Variants in FNIP1 observed in about 807,000 individuals in gnomAD.
FNIP1 encodes the protein folliculin-interacting protein 1.
In FNIP1, 40 loss-of-function variants were observed where a neutral mutation model predicts 124.5. That is an observed-to-expected ratio of 0.32 (90% CI 0.25 to 0.42). The LOEUF (loss-of-function observed/expected upper bound fraction) is 0.42, where lower values mean the gene tolerates loss of function less well. Ranked by LOEUF, FNIP1 falls within the 10% of genes least tolerant of loss-of-function variation. FNIP1 has a pLI of 1.00. For missense variants in FNIP1, 1,176 were observed against 1,403.7 expected (o/e 0.84, Z 2.59); for synonymous variants, 472 against 470.6 (o/e 1.00, Z -0.04).
At chr5:131,779,878 T>C (rs1771940083) in intron 1 of FNIP1, among the ~76,000 whole-genome samples, 1 of 151,902 alleles carries the variant, frequency 6.6e-6, no homozygotes, top group Non-Finnish European at 1.5e-5. Context: ...AGCATGCTCT[T>C]TACATTTTTG....
chr5:131,720,802 A>G (rs1019355278), intron 3 of FNIP1, among the ~76,000 whole-genome samples: 2 of 152,222 alleles, frequency 1.3e-5, no homozygotes, highest in Admixed American at 1.3e-4. Flanking sequence ...AAAACCTGTC[A>G]GGTTGGCTAT....
At chr5:131,771,074 G>A (rs1041363634) in intron 1 of FNIP1, among the ~76,000 whole-genome samples, 5 of 152,014 alleles carry the variant, frequency 3.3e-5, no homozygotes, top group East Asian at 1.9e-4. Context: ...ATCTCCCAAC[G>A]CTATCCCTCC....
chr5:131,693,317 CACATATATATATATACATATATAT>C (rs1447753125), intron 11 of FNIP1, among the ~76,000 whole-genome samples: 67 of 41,592 alleles, frequency 1.6e-3, no homozygotes, highest in African/African-American at 5.8e-3. Context: ...TATATATATA[CACATATATATATATACATATATAT>C]ATATATATAT....
intron 1 of FNIP1, among the ~76,000 whole-genome samples, chr5:131,778,912 C>A (rs1394126635): frequency 3.4e-5 from 4 of 117,746 alleles, no homozygotes; most frequent in Non-Finnish European, 1.7e-5. Flanking sequence ...AACCAAACAC[C>A]GCATATTCTC....
intron 1 of FNIP1, among the ~76,000 whole-genome samples, chr5:131,779,775 ATAGTAT>A (rs1202813156): frequency 6.6e-6 from 1 of 151,988 alleles, no homozygotes; most frequent in African/African-American, 2.4e-5. Context: ...AAAAACAGTA[ATAGTAT>A]TAATATTTAA....
intron 1 of FNIP1, among the ~76,000 whole-genome samples, chr5:131,763,597 G>A (rs946250743): frequency 3.3e-5 from 5 of 151,854 alleles, no homozygotes; most frequent in African/African-American, 1.2e-4. Context: ...GTGCTACACA[G>A]TTTTAGGTCT....
chr5:131,770,376 A>G (rs923324377), intron 1 of FNIP1, among the ~76,000 whole-genome samples: 2 of 152,254 alleles, frequency 1.3e-5, no homozygotes, highest in Non-Finnish European at 2.9e-5. Flanking sequence ...GAGACATTTT[A>G]GAATGCTTTA....
intron 1 of FNIP1, among the ~76,000 whole-genome samples, chr5:131,775,846 G>C (rs1160190586): frequency 6.6e-6 from 1 of 152,050 alleles, no homozygotes; most frequent in Non-Finnish European, 1.5e-5. Context: ...TTGTTTTGAG[G>C]ATTAAATGAA....
rs541475740 is a variant in FNIP1 at position 131,742,835 on chromosome 5, C to T, written c.219+1729G>A. Among the ~76,000 whole-genome samples, 8 of 152,066 alleles carry T rather than the reference C, an allele frequency of 5.3e-5. No homozygotes were observed. The East Asian group carries it at 1.5e-3, about 29-fold the overall frequency. On this transcript the variant is annotated intron_variant, in intron 2 of 17. Coordinates refer to ENST00000510461, the MANE Select transcript of FNIP1 (RefSeq NM_133372.3). ...CAAACAATGAGTATTTCAATATGTA[C>T]AGTAGTGTTCAAAAGGAAGACATAA...
chr5:131,677,573 A>G, intron 13 of FNIP1, 130 bp downstream of exon 13: 1 of 827,206 alleles, frequency 1.2e-6, no homozygotes, highest in Non-Finnish European at 1.8e-6. Flanking sequence ...ATGAAAGGAC[A>G]AGCAAAGCAG....
intron 1 of FNIP1, among the ~76,000 whole-genome samples, chr5:131,756,401 CTTTT>C (rs1298089224): frequency 6.6e-6 from 1 of 151,752 alleles, no homozygotes; most frequent in Non-Finnish European, 1.5e-5. Context: ...TACAAGAGCC[CTTTT>C]TTTAAAAAAA....
intron 1 of FNIP1, among the ~76,000 whole-genome samples, chr5:131,770,851 T>C (rs1771607050): frequency 1.3e-5 from 2 of 152,202 alleles, no homozygotes; most frequent in African/African-American, 4.8e-5. Context: ...ACCATCAGTG[T>C]AGAGGCAAAC....
At chr5:131,758,908 T>C (rs1771135985) in intron 1 of FNIP1, among the ~76,000 whole-genome samples, 1 of 151,814 alleles carries the variant, frequency 6.6e-6, no homozygotes, top group Non-Finnish European at 1.5e-5. Context: ...ACTTAGATAT[T>C]AAGTGGGATG....
chr5:131,722,766 AC>A (rs1270101717), intron 3 of FNIP1, among the ~76,000 whole-genome samples: 1 of 152,106 alleles, frequency 6.6e-6, no homozygotes, highest in Non-Finnish European at 1.5e-5. Flanking sequence ...GCTCACTGCA[AC>A]CTCCGCCTCC....
rs1004935529 is a variant in FNIP1, at chr5:131,742,216, C to T, written c.219+2348G>A. Among the ~76,000 whole-genome samples the T allele has an allele frequency of 3.3e-5, 5 of 152,190 alleles. No homozygotes were observed. In the South Asian group the frequency reaches 6.2e-4, roughly 19 times the overall value. On this transcript the variant is annotated intron_variant, in intron 2 of 17. Transcript: ENST00000510461. ...AAGTGGCTCCCGCTGGTAATCCCAG[C>T]ACTTTATGAGGCCAAAGCAGGCGGT...
chr5:131,720,163 T>C (rs1158526140), intron 3 of FNIP1, among the ~76,000 whole-genome samples: 3 of 152,176 alleles, frequency 2.0e-5, no homozygotes, highest in Middle Eastern at 3.4e-3. Flanking sequence ...TATAGACCAA[T>C]GGAACAGAAC....
At chr5:131,725,300 C>A (rs910343267) in intron 3 of FNIP1, among the ~76,000 whole-genome samples, 6 of 152,174 alleles carry the variant, frequency 3.9e-5, no homozygotes, top group African/African-American at 1.4e-4. Flanking sequence ...GCATGATAGC[C>A]ATTTTCACGA....
chr5:131,790,828 A>G (rs535937799), intron 1 of FNIP1, among the ~76,000 whole-genome samples: 2 of 152,368 alleles, frequency 1.3e-5, no homozygotes, highest in Admixed American at 6.5e-5. Context: ...ATAAGGGACT[A>G]TATCAAGAAC....
intron 1 of FNIP1, among the ~76,000 whole-genome samples, chr5:131,748,630 G>C (rs7722043): frequency 0.076 from 11,071 of 144,736 alleles, 838 homozygotes; most frequent in African/African-American, 0.2. Flanking sequence ...CCAGGAAGCA[G>C]AGGTTGCAGT....
Sources: allele counts gnomAD v4.1 joint callset (sites outside exome capture counted in the v4.1 genomes callset), GRCh38; gene constraint gnomAD v4.1.1; transcripts MANE v1.5; gene names NCBI Gene and HGNC (gene_info 2026-07-23, HGNC 2026-07-21).